PCCA: variants seen among roughly 807,000 people sequenced by gnomAD.
PCCA encodes the protein propionyl-CoA carboxylase alpha chain, mitochondrial.
PCCA carries 74 observed loss-of-function variants against 101.3 expected under a neutral mutation model. The ratio of observed to expected loss-of-function variants is 0.73; its 90% CI spans 0.61 to 0.89. The LOEUF (loss-of-function observed/expected upper bound fraction) is 0.89, where lower values mean the gene tolerates loss of function less well. Ranked by LOEUF, PCCA falls within the 40% of genes least tolerant of loss-of-function variation. The probability of loss-of-function intolerance (pLI) is 0.00; values close to 1 mark genes in which losing one functional copy is unlikely to be tolerated. For missense variants in PCCA, 891 were observed against 907.0 expected (o/e 0.98, Z 0.23); for synonymous variants, 294 against 313.6 (o/e 0.94, Z 0.66).
chr13:100,153,975 C>CA (rs1300048680), intron 4 of PCCA, among the ~76,000 whole-genome samples: 1 of 151,746 alleles, frequency 6.6e-6, no homozygotes, highest in African/African-American at 2.4e-5. Context: ...TCATTTAAAA[C>CA]AAAGTATTTA....
chr13:100,202,433 G>A (rs974472036), intron 6 of PCCA, among the ~76,000 whole-genome samples: 2 of 149,206 alleles, frequency 1.3e-5, no homozygotes, highest in African/African-American at 4.9e-5. Context: ...AAATGTTGCT[G>A]TCAAAGTCTG....
At chr13:100,444,431 CTTTTTTTTTTTTTTTT>C (rs57941571) in intron 20 of PCCA, among the ~76,000 whole-genome samples, 1 of 45,400 alleles carries the variant, frequency 2.2e-5, no homozygotes, top group Non-Finnish European at 3.7e-5. Flanking sequence ...TTTGAACAAC[CTTTTTTTTTTTTTTTT>C]TTTTTTTTTT....
intron 22 of PCCA, among the ~76,000 whole-genome samples, chr13:100,518,997 CACTTTG>C (rs1453295167): frequency 3.3e-5 from 5 of 152,186 alleles, no homozygotes; most frequent in Non-Finnish European, 7.4e-5. Flanking sequence ...GCATAATTTT[CACTTTG>C]ACTTTGAAGT....
At chr13:100,525,334 A>C (rs865932999) in intron 22 of PCCA, among the ~76,000 whole-genome samples, 1 of 152,108 alleles carries the variant, frequency 6.6e-6, no homozygotes, top group South Asian at 2.1e-4. Flanking sequence ...TTTTTTTCTG[A>C]TGAACAACTG....
intron 6 of PCCA, among the ~76,000 whole-genome samples, chr13:100,195,003 G>T (rs2152455141): frequency 6.6e-6 from 1 of 151,948 alleles, no homozygotes. Context: ...ATATTATTTT[G>T]CAACCAAAAA....
At chr13:100,451,446 C>T (rs564351144) in intron 21 of PCCA, among the ~76,000 whole-genome samples, 46 of 152,240 alleles carry the variant, frequency 3.0e-4, no homozygotes, top group South Asian at 2.3e-3. Context: ...GGACCTCAGT[C>T]GCCTTAAGGG....
chr13:100,284,639 C>T (rs1455349509), intron 12 of PCCA, among the ~76,000 whole-genome samples: 1 of 152,158 alleles, frequency 6.6e-6, no homozygotes, highest in Non-Finnish European at 1.5e-5. Context: ...GCAGTAATTC[C>T]ACTATATCCA....
At chr13:100,200,292 G>A (rs536812620) in intron 6 of PCCA, among the ~76,000 whole-genome samples, 1 of 152,196 alleles carries the variant, frequency 6.6e-6, no homozygotes, top group South Asian at 2.1e-4. Flanking sequence ...TTTTAGTATA[G>A]ATGGGGTTTC....
At chr13:100,491,961 C>T (rs1259491600) in intron 21 of PCCA, 1 of 198,160 alleles carries the variant, frequency 5.0e-6, no homozygotes, top group African/African-American at 2.4e-5. Context: ...CATAAAGCAC[C>T]TGGGCAGAGT....
chr13:100,508,816 G>C (rs910102565), intron 21 of PCCA, among the ~76,000 whole-genome samples: 4 of 152,174 alleles, frequency 2.6e-5, no homozygotes, highest in East Asian at 3.9e-4. Context: ...TGCTTGGGGT[G>C]GGGGGTTCAG....
intron 16 of PCCA, among the ~76,000 whole-genome samples, chr13:100,311,058 A>AT (rs1381743214): frequency 7.9e-5 from 12 of 151,828 alleles, no homozygotes; most frequent in Non-Finnish European, 1.0e-4. Flanking sequence ...AGATGGTGAA[A>AT]CCCAGTCTCT....
intron 12 of PCCA, among the ~76,000 whole-genome samples, chr13:100,297,159 T>C (rs1031966917): frequency 7.9e-5 from 12 of 152,242 alleles, no homozygotes; most frequent in African/African-American, 2.9e-4. Context: ...AGTGCCTCTT[T>C]ATCCCATTAT....
intron 7 of PCCA, among the ~76,000 whole-genome samples, chr13:100,222,023 G>A (rs995533881): frequency 5.9e-5 from 9 of 151,784 alleles, no homozygotes; most frequent in Admixed American, 3.9e-4. Flanking sequence ...AGGTGTCCAG[G>A]TGTGAGCCAC....
intron 21 of PCCA, among the ~76,000 whole-genome samples, chr13:100,475,793 C>A (rs2083373418): frequency 6.6e-6 from 1 of 152,188 alleles, no homozygotes; most frequent in Admixed American, 6.5e-5. Flanking sequence ...TTCCCACATC[C>A]TCACTGACAC....
At chr13:100,101,857 C>A (rs1194157290) in intron 1 of PCCA, among the ~76,000 whole-genome samples, 1 of 152,148 alleles carries the variant, frequency 6.6e-6, no homozygotes, top group Non-Finnish European at 1.5e-5. Context: ...CCTGCCTTGA[C>A]CTCCCAAAGT....
At chr13:100,319,845 TA>T (rs1466554406) in intron 16 of PCCA, among the ~76,000 whole-genome samples, 4 of 152,036 alleles carry the variant, frequency 2.6e-5, no homozygotes, top group Non-Finnish European at 5.9e-5. Flanking sequence ...ATATGAACTT[TA>T]AAGATCCAAT....
intron 6 of PCCA, among the ~76,000 whole-genome samples, chr13:100,165,111 G>A (rs1194358121): frequency 2.0e-5 from 3 of 152,144 alleles, no homozygotes; most frequent in African/African-American, 4.8e-5. Flanking sequence ...TTTGGCTGTT[G>A]TGAATAATGC....
chr13:100,337,131 A>G (rs537864404), intron 17 of PCCA, among the ~76,000 whole-genome samples: 2 of 152,164 alleles, frequency 1.3e-5, no homozygotes, highest in African/African-American at 4.8e-5. Context: ...CGCGCCCCCA[A>G]GTTTTAGGTG....
chr13:100,365,864 C>G (rs1401437866), intron 18 of PCCA, among the ~76,000 whole-genome samples: 2 of 152,200 alleles, frequency 1.3e-5, no homozygotes, highest in African/African-American at 4.8e-5. Context: ...ACAGTTTGCT[C>G]CGGGTTTTGT....
Sources: gnomAD v4.1 joint callset for allele counts (sites outside exome capture counted in the v4.1 genomes callset) on GRCh38, gnomAD v4.1.1 for gene constraint, MANE v1.5 for transcripts, NCBI Gene and HGNC (gene_info 2026-07-23, HGNC 2026-07-21) for gene names.